The following LIN52 variants were observed in gnomAD, a reference collection of about 807,000 sequenced individuals.
The protein encoded by LIN52 is lin-52 DREAM MuvB core complex component, also known as protein lin-52 homolog.
A neutral mutation model predicts 18.5 loss-of-function variants in LIN52; 4 were observed. That is an observed-to-expected ratio of 0.22 (90% confidence interval 0.11 to 0.49). The LOEUF (loss-of-function observed/expected upper bound fraction) is 0.49. Ranked by LOEUF, LIN52 falls within the 20% of genes least tolerant of loss-of-function variation. The pLI is 0.97. For synonymous variants in LIN52, 34 were observed against 45.5 expected, an observed-to-expected ratio of 0.75 and a Z score of 1.02; for missense variants, 102 against 139.5, an observed-to-expected ratio of 0.73 and a Z score of 1.35.
intron 5 of LIN52, among the ~76,000 whole-genome samples, chr14:74,177,510 A>T (rs1307661119): frequency 6.6e-6 from 1 of 152,248 alleles, no homozygotes; most frequent in Non-Finnish European, 1.5e-5. Context: ...TAGGTCACTC[A>T]ACCATTCATT....
intron 5 of LIN52, among the ~76,000 whole-genome samples, chr14:74,197,436 T>A (rs2078920890): frequency 6.6e-6 from 1 of 152,230 alleles, no homozygotes; most frequent in African/African-American, 2.4e-5. Flanking sequence ...TGATTGTGGA[T>A]CTTTTGCCAA....
At chr14:74,119,438 A>G (rs533970532) in intron 5 of LIN52, among the ~76,000 whole-genome samples, 60 of 152,276 alleles carry the variant, frequency 3.9e-4, no homozygotes, top group African/African-American at 1.4e-3. Flanking sequence ...TGCTGGGATT[A>G]CAGGCATGAG....
intron 5 of LIN52, among the ~76,000 whole-genome samples, chr14:74,175,150 TA>T (rs1444368988): frequency 2.0e-5 from 3 of 151,962 alleles, no homozygotes; most frequent in African/African-American, 7.2e-5. Context: ...CCTAGGACAT[TA>T]CACTACTGCA....
chr14:74,154,078 A>G (rs2061187923), intron 5 of LIN52, among the ~76,000 whole-genome samples: 1 of 152,202 alleles, frequency 6.6e-6, no homozygotes. Context: ...ATGAACCAAT[A>G]AAGTCCATAC....
intron 5 of LIN52, among the ~76,000 whole-genome samples, chr14:74,154,873 T>G: frequency 6.6e-6 from 1 of 152,310 alleles, no homozygotes; most frequent in South Asian, 2.1e-4. Context: ...TGCTAAGAAT[T>G]ATTGTCTTTT....
rs557733332 is a variant in LIN52 at position 74,107,482 on chromosome 14, T to C, written c.283+6244T>C. Among the ~76,000 whole-genome samples, 9 of 152,304 alleles carry C rather than the reference T, an allele frequency of 5.9e-5. No individual in the cohort carries two copies. In the East Asian group the frequency reaches 1.7e-3, roughly 29 times the overall value. On this transcript the variant is annotated intron_variant, in intron 5 of 5. Coordinates refer to ENST00000555028, the MANE Select transcript of LIN52 (RefSeq NM_001024674.3). ...GCTGTCCTTCTATCAGCTTTCCCTTTTCATCCTTGATTTAGAAAGTGAGTG... is the reference window on the plus strand; with the variant it reads ...GCTGTCCTTCTATCAGCTTTCCCTTCTCATCCTTGATTTAGAAAGTGAGTG...
chr14:74,173,943 A>G (rs1175075354), intron 5 of LIN52, among the ~76,000 whole-genome samples: 1 of 152,218 alleles, frequency 6.6e-6, no homozygotes, highest in Non-Finnish European at 1.5e-5. Context: ...TTTGTGCTTC[A>G]GGATAGAGGT....
In LIN52 at chr14:74,136,977, A is replaced by G. The variant is rs536111246; in HGVS notation, c.283+35739A>G. Among the ~76,000 whole-genome samples the G allele has an allele frequency of 2.0e-5, 3 of 152,166 alleles. No homozygotes were observed. The South Asian group carries it at 6.2e-4, about 32-fold the overall frequency. The stretch of plus-strand genomic sequence containing the variant: ...TTTCCTTGGAACTATAATTTTAAAA[A>G]CTTATTTCAAATTATCAAGTAAATG... On this transcript the variant is annotated intron_variant, in intron 5 of 5. Coordinates refer to ENST00000555028, the MANE Select transcript of LIN52 (RefSeq NM_001024674.3).
chr14:74,157,457 A>AAT (rs2061204378), intron 5 of LIN52, among the ~76,000 whole-genome samples: 1 of 118,970 alleles, frequency 8.4e-6, no homozygotes, highest in Non-Finnish European at 1.9e-5. Flanking sequence ...ATATATATAT[A>AAT]TATTTTTTAA....
chr14:74,174,530 G>A (rs2061284139), intron 5 of LIN52: 2 of 152,398 alleles, frequency 1.3e-5, no homozygotes, highest in Admixed American at 6.6e-5. Context: ...GTTGAGCCCA[G>A]GAGTTCTAGC....
At chr14:74,110,731 A>G (rs2060921163) in intron 5 of LIN52, among the ~76,000 whole-genome samples, 1 of 151,502 alleles carries the variant, frequency 6.6e-6, no homozygotes, top group Non-Finnish European at 1.5e-5. Context: ...TTGGGATGCC[A>G]AGGCAGGCAG....
At chr14:74,151,137 T>C (rs2061175388) in intron 5 of LIN52, among the ~76,000 whole-genome samples, 1 of 152,200 alleles carries the variant, frequency 6.6e-6, no homozygotes, top group Admixed American at 6.5e-5. Context: ...TAGATGGCAG[T>C]ATTCCCTTTG....
chr14:74,112,173 C>G (rs985512372), intron 5 of LIN52, among the ~76,000 whole-genome samples: 2 of 152,214 alleles, frequency 1.3e-5, no homozygotes, highest in African/African-American at 4.8e-5. Context: ...AGCCACAGCA[C>G]CTGGCCCCTT....
At chr14:74,103,443 T>C (rs943298443) in intron 5 of LIN52, among the ~76,000 whole-genome samples, 1 of 143,176 alleles carries the variant, frequency 7.0e-6, no homozygotes, top group Non-Finnish European at 1.6e-5. Flanking sequence ...TTTTTTTTTT[T>C]TTTTTTGAGA....
chr14:74,181,178 C>G (rs1306078495), intron 5 of LIN52, among the ~76,000 whole-genome samples: 3 of 150,488 alleles, frequency 2.0e-5, no homozygotes, highest in African/African-American at 7.3e-5. Flanking sequence ...CAGTGGCTCA[C>G]ACCTGTAATC....
Position 74,116,902 on chromosome 14 carries a change from A to G in LIN52, c.283+15664A>G, listed in dbSNP as rs551000539. Among the ~76,000 whole-genome samples the G allele has an allele frequency of 4.6e-5, 7 of 150,948 alleles. No homozygotes were observed. In the South Asian group the frequency reaches 1.5e-3, roughly 32 times the overall value. ...GGAAGGAAATACACCAGTATGTTTT[A>G]ATGACTATCTTGAGTGGTTTTTAAA... is the stretch of plus-strand genomic sequence containing the variant. On this transcript the variant is annotated intron_variant, in intron 5 of 5. Transcript: ENST00000555028.
At chr14:74,176,018 G>C (rs1218525756) in intron 5 of LIN52, among the ~76,000 whole-genome samples, 1 of 152,082 alleles carries the variant, frequency 6.6e-6, no homozygotes, top group Non-Finnish European at 1.5e-5. Flanking sequence ...GACTACACAT[G>C]GTTAGGATCA....
chr14:74,116,534 C>T (rs368015015), intron 5 of LIN52, among the ~76,000 whole-genome samples: 1 of 151,746 alleles, frequency 6.6e-6, no homozygotes, highest in East Asian at 1.9e-4. Flanking sequence ...GGTGAAACCC[C>T]GTCTCTACTA....
intron 5 of LIN52, among the ~76,000 whole-genome samples, chr14:74,148,483 T>C (rs1169393826): frequency 6.6e-6 from 1 of 152,056 alleles, no homozygotes; most frequent in Non-Finnish European, 1.5e-5. Flanking sequence ...TTGAGGAGCA[T>C]AGAAGTTGAC....
Sources: gnomAD v4.1 joint callset for allele counts (sites outside exome capture counted in the v4.1 genomes callset) on GRCh38, gnomAD v4.1.1 for gene constraint, MANE v1.5 for transcripts, NCBI Gene and HGNC (gene_info 2026-07-23, HGNC 2026-07-21) for gene names.